The following PANX1 variants were observed in gnomAD, a reference collection of about 807,000 sequenced individuals.
PANX1 encodes the protein pannexin-1.
Under a neutral mutation model 38.7 loss-of-function variants are expected in PANX1, and 30 were observed. The ratio of observed to expected loss-of-function variants is 0.78; its 90% CI spans 0.58 to 1.05. The LOEUF (loss-of-function observed/expected upper bound fraction) is 1.05. PANX1 is among the 50% of genes least tolerant of loss of function. The pLI, the probability that PANX1 is intolerant of heterozygous loss-of-function variation, is 0.00. For missense variants in PANX1, 551 were observed against 517.2 expected, an observed-to-expected ratio of 1.07 and a Z score of -0.63; for synonymous variants, 230 against 212.2, an observed-to-expected ratio of 1.08 and a Z score of -0.73.
At chr11:94,129,597 G>T in intron 1 of PANX1, 104 bp downstream of exon 1, 1 of 1,056,322 alleles carries the variant, frequency 9.5e-7, no homozygotes, top group South Asian at 1.6e-5. Flanking sequence ...CAGCTGTGAT[G>T]GTCGTGAGCG....
chr11:94,152,983 A>T (rs1483043580), intron 1 of PANX1, among the ~76,000 whole-genome samples: 3 of 152,006 alleles, frequency 2.0e-5, no homozygotes, highest in Non-Finnish European at 2.9e-5. Flanking sequence ...GAGGTAGGAA[A>T]CCACTGATTT....
At chr11:94,168,881 C>T (rs1947132565) in intron 2 of PANX1, among the ~76,000 whole-genome samples, 1 of 151,508 alleles carries the variant, frequency 6.6e-6, no homozygotes, top group South Asian at 2.1e-4. Context: ...ACAAGATGTG[C>T]TGATTGGACA....
At chr11:94,160,602 T>A (rs1031945542) in intron 2 of PANX1, among the ~76,000 whole-genome samples, 2 of 152,224 alleles carry the variant, frequency 1.3e-5, no homozygotes, top group African/African-American at 4.8e-5. Flanking sequence ...ACCCCTTTAT[T>A]TTGAGCCTAT....
intron 2 of PANX1, among the ~76,000 whole-genome samples, chr11:94,175,147 T>C (rs888842723): frequency 6.6e-6 from 1 of 151,808 alleles, no homozygotes; most frequent in Non-Finnish European, 1.5e-5. Flanking sequence ...GCCCTGCAGC[T>C]TTTCCATATT....
At chr11:94,169,538 A>G (rs563017522) in intron 2 of PANX1, among the ~76,000 whole-genome samples, 2 of 151,774 alleles carry the variant, frequency 1.3e-5, no homozygotes, top group South Asian at 4.1e-4. Flanking sequence ...AGCAGATGTA[A>G]TTAGTTAAGA....
chr11:94,155,475 C>A (rs1039652522), intron 2 of PANX1, among the ~76,000 whole-genome samples: 3 of 151,922 alleles, frequency 2.0e-5, no homozygotes, highest in African/African-American at 7.3e-5. Context: ...GATCACACCA[C>A]TGCACTCCAG....
At chr11:94,155,731 T>C (rs1318265780) in intron 2 of PANX1, among the ~76,000 whole-genome samples, 4 of 152,128 alleles carry the variant, frequency 2.6e-5, no homozygotes, top group African/African-American at 7.2e-5. Flanking sequence ...AGTGGGCCCA[T>C]GTAGTTCAAA....
chr11:94,139,343 CATAAT>C (rs999692936), intron 1 of PANX1, among the ~76,000 whole-genome samples: 1 of 152,142 alleles, frequency 6.6e-6, no homozygotes, highest in East Asian at 1.9e-4. Context: ...ATTAATTTCT[CATAAT>C]ATATCAGATA....
rs1179206039 is a variant in PANX1 at position 94,129,474 on chromosome 11, C to T, written c.162C>T (p.Phe54=). 1 of 1,612,130 alleles carries T rather than the reference C, an allele frequency of 6.2e-7. No individual in the cohort carries two copies. Among genetic ancestry groups the T allele is most frequent in the Admixed American group, 1.7e-5 (1 of 59,882 alleles). The change falls in exon 1 of 5, where the codon TTC becomes TTT. Residue 54 remains phenylalanine (F), a synonymous_variant. Coordinates refer to ENST00000227638, the MANE Select transcript of PANX1 (RefSeq NM_015368.4). ...GLPLLLISLA[F]AQEISIGTQI... is the part of the protein sequence containing the mutation. Reference sequence around the variant, plus strand: ...CCCTGCTGCTCATCTCGCTGGCCTTCGCGCAGGAGATCTCGATTGGTAAGC... The same window carrying T: ...CCCTGCTGCTCATCTCGCTGGCCTTTGCGCAGGAGATCTCGATTGGTAAGC...
intron 1 of PANX1, among the ~76,000 whole-genome samples, chr11:94,152,029 C>G (rs1946887622): frequency 6.6e-6 from 1 of 150,516 alleles, no homozygotes. Flanking sequence ...CCACTCCCTC[C>G]CCAGGCAAAG....
At chr11:94,145,503 CT>C in intron 1 of PANX1, among the ~76,000 whole-genome samples, 1 of 152,296 alleles carries the variant, frequency 6.6e-6, no homozygotes. Flanking sequence ...TTCCATCTAG[CT>C]TTTTGCATTC....
At chr11:94,146,869 T>C (rs1215727074) in intron 1 of PANX1, among the ~76,000 whole-genome samples, 12 of 152,234 alleles carry the variant, frequency 7.9e-5, no homozygotes, top group Non-Finnish European at 2.9e-5. Context: ...GATCTGACTA[T>C]AGATAATTGC....
In PANX1 at chr11:94,153,612, C is replaced by G. The variant is rs1232042932; in HGVS notation, c.303C>G (p.Leu101=). ...CACTGCAGAGCGAGTCTGGAAACCT[C>G]CCACTGTGGCTGCATAAGGTAAAGG... ...KNSLQSESGN[L]PLWLHKFFPY... Residue 101 remains leucine, a synonymous_variant, in exon 2 of 5, where the codon CTC becomes CTG. Transcript: ENST00000227638. The G allele has an allele frequency of 6.2e-7, 1 of 1,613,776 alleles. No individual in the cohort carries two copies. The highest frequency in any genetic ancestry group is 8.5e-7 in the Non-Finnish European group (1 of 1,179,860).
chr11:94,161,220 G>A (rs1438572562), intron 2 of PANX1, among the ~76,000 whole-genome samples: 7 of 151,946 alleles, frequency 4.6e-5, no homozygotes, highest in Non-Finnish European at 1.0e-4. Context: ...TGCTCTTCTC[G>A]AGGAGTATCT....
chr11:94,175,542 A>G (rs1386778412), intron 2 of PANX1, among the ~76,000 whole-genome samples: 1 of 151,778 alleles, frequency 6.6e-6, no homozygotes, highest in African/African-American at 2.4e-5. Context: ...CCATTATTCA[A>G]ATAGCTTTGA....
At chr11:94,161,943 C>G (rs1048456397) in intron 2 of PANX1, among the ~76,000 whole-genome samples, 7 of 152,196 alleles carry the variant, frequency 4.6e-5, no homozygotes, top group Non-Finnish European at 1.0e-4. Context: ...TAACAGTCAG[C>G]ACCCTCAGCT....
chr11:94,170,307 A>G (rs1348378861), intron 2 of PANX1, among the ~76,000 whole-genome samples: 2 of 151,650 alleles, frequency 1.3e-5, no homozygotes, highest in Non-Finnish European at 1.5e-5. Flanking sequence ...GTGAAACCAT[A>G]CAATATTTGT....
At chr11:94,155,735 G>A (rs1169669646) in intron 2 of PANX1, among the ~76,000 whole-genome samples, 2 of 152,108 alleles carry the variant, frequency 1.3e-5, no homozygotes, top group Non-Finnish European at 2.9e-5. Flanking sequence ...GGCCCATGTA[G>A]TTCAAATTCA....
At chr11:94,157,695 C>G (rs1343468461) in intron 2 of PANX1, among the ~76,000 whole-genome samples, 1 of 152,126 alleles carries the variant, frequency 6.6e-6, no homozygotes, top group Non-Finnish European at 1.5e-5. Context: ...GTTGCCTGTT[C>G]ACTCTGATGG....
Sources: gnomAD v4.1 joint callset for allele counts (sites outside exome capture counted in the v4.1 genomes callset) on GRCh38, gnomAD v4.1.1 for gene constraint, MANE v1.5 for transcripts, NCBI Gene and HGNC (gene_info 2026-07-23, HGNC 2026-07-21) for gene names.